Variants in SYBU observed in about 807,000 individuals in gnomAD.
The protein encoded by SYBU is syntabulin, also known as GOLSYN A protein.
Under a neutral mutation model 35.9 loss-of-function variants are expected in SYBU, and 21 were observed. That is an observed-to-expected ratio of 0.58 (90% CI 0.41 to 0.84). The LOEUF is 0.84. SYBU is among the 40% of genes least tolerant of loss of function. SYBU has a pLI of 0.00. For missense variants in SYBU, 768 were observed against 848.2 expected (o/e 0.91, Z 1.17); for synonymous variants, 319 against 324.3 (o/e 0.98, Z 0.18).
At chr8:109,645,633 G>GTTTTTTTTTTTT (rs77642059), upstream of SYBU, 22 of 230,818 alleles carry the variant, frequency 9.5e-5, no homozygotes, top group African/African-American at 4.0e-4. Flanking sequence ...TTCGTTTTTT[G>GTTTTTTTTTTTT]TTTTTTTTTT....
chr8:109,632,260 C>T (rs1247690080), intron 2 of SYBU, among the ~76,000 whole-genome samples: 3 of 152,160 alleles, frequency 2.0e-5, no homozygotes, highest in Admixed American at 6.5e-5. Context: ...AGGCTGGTCT[C>T]GAACTCCTGA....
Position 109,574,765 on chromosome 8 carries a change from G to T in SYBU, c.*141C>A. On this transcript the variant is annotated 3_prime_UTR_variant, in exon 7 of 7. Transcript: ENST00000276646. ...ACCTCCGGTTTTAAACAGTGAACAG[G>T]CTTCAACTAAATATAGTGCAAATCA... The T allele has an allele frequency of 1.1e-6, 1 of 912,722 alleles. No homozygotes were observed. 56.5% of individuals were successfully genotyped at this position (912,722 alleles called of 1,614,324 possible). A position where few individuals can be genotyped will look rare whatever the true frequency, so the allele number is the denominator to read the frequency against.
At chr8:109,689,461 T>C (rs1817594559) in intron 1 of SYBU, among the ~76,000 whole-genome samples, 1 of 152,200 alleles carries the variant, frequency 6.6e-6, no homozygotes. Context: ...TAGCTGGAAC[T>C]ACAGGCACCT....
At position 109,575,315 on chromosome 8, in the gene SYBU, G is replaced by C; in HGVS notation, c.1583C>G (p.Ser528Trp). 1 of 1,614,174 alleles carries C rather than the reference G, an allele frequency of 6.2e-7. No homozygotes were observed. The highest frequency in any genetic ancestry group is 1.1e-5 in the South Asian group (1 of 91,084). The change falls in exon 7 of 7, where the codon TCG becomes TGG. Residue 528 changes from serine (S) to tryptophan (W), a missense_variant. Coordinates refer to ENST00000276646, the MANE Select transcript of SYBU (RefSeq NM_001099754.2). The stretch of plus-strand genomic sequence containing the variant: ...GAGGGACTCTGGGAAGCTCTCCATC[G>C]AGTCTGGTTCAGACTCATCAGGGGA... ...LASPDESEPD[S>W]MESFPESLSA...
intron 1 of SYBU, among the ~76,000 whole-genome samples, chr8:109,679,102 G>A (rs1586997500): frequency 6.6e-6 from 1 of 152,078 alleles, no homozygotes; most frequent in Admixed American, 6.5e-5. Flanking sequence ...CATCCTTACT[G>A]CTCATTATAT....
intron 1 of SYBU, among the ~76,000 whole-genome samples, chr8:109,688,883 T>C (rs1470116690): frequency 6.6e-6 from 1 of 152,064 alleles, no homozygotes; most frequent in Non-Finnish European, 1.5e-5. Context: ...TAAACAGAAA[T>C]TGACTAAAAT....
intron 1 of SYBU, chr8:109,644,207 A>G (rs1316710435): frequency 2.1e-6 from 1 of 468,216 alleles, no homozygotes; most frequent in South Asian, 1.5e-5. Context: ...CGCCCTGCAC[A>G]TCTGCCGCCC....
At chr8:109,630,958 A>C (rs1053078989) in intron 2 of SYBU, among the ~76,000 whole-genome samples, 2 of 152,218 alleles carry the variant, frequency 1.3e-5, no homozygotes, top group East Asian at 3.9e-4. Flanking sequence ...GGTTCACAGA[A>C]GCCACGGAGG....
chr8:109,684,908 A>G (rs1817485157), upstream of SYBU, among the ~76,000 whole-genome samples: 1 of 152,176 alleles, frequency 6.6e-6, no homozygotes, highest in Admixed American at 6.5e-5. Context: ...TCTACTGTTA[A>G]TTAGAAAAGC....
In SYBU at chr8:109,691,473, G is replaced by T; in HGVS notation, c.-198C>A. On this transcript the variant is annotated 5_prime_UTR_variant, in exon 1 of 8. Transcript: ENST00000422135. This position sits in a 1 kb window ranked among gnomAD's most constrained non-coding sequence, Gnocchi z 4.7. ...GCTGGTTTGCGCTCAGGCCCGGGGA[G>T]CCGGGCCCGGCCCGCTCCGCCCGCC... 1.8e-6 allele frequency: 1 copy of T among 543,958 alleles called. No individual in the cohort carries two copies. The highest frequency in any genetic ancestry group is 3.4e-5 in the East Asian group (1 of 29,294). The allele number at this position is 543,958 out of a possible 1,614,324, so 33.7% of individuals were successfully genotyped here.
At chr8:109,660,772 G>A (rs568310837) in intron 1 of SYBU, among the ~76,000 whole-genome samples, 1 of 152,124 alleles carries the variant, frequency 6.6e-6, no homozygotes, top group Admixed American at 6.5e-5. Flanking sequence ...TATTTATTGG[G>A]TATTTATTCT....
intron 1 of SYBU, among the ~76,000 whole-genome samples, chr8:109,669,876 G>A (rs78569083): frequency 2.0e-5 from 3 of 152,136 alleles, no homozygotes; most frequent in Non-Finnish European, 4.4e-5. Context: ...GTGAGCAATC[G>A]AGGCACTTTA....
At chr8:109,674,729 A>G (rs1345407161) in intron 1 of SYBU, among the ~76,000 whole-genome samples, 1 of 152,228 alleles carries the variant, frequency 6.6e-6, no homozygotes, top group Non-Finnish European at 1.5e-5. Flanking sequence ...TATTATAGAG[A>G]TCAACAAGAC....
intron 3 of SYBU, among the ~76,000 whole-genome samples, chr8:109,587,060 A>G (rs1823702364): frequency 6.6e-6 from 1 of 152,152 alleles, no homozygotes. Flanking sequence ...AAGAAAAAGA[A>G]TTTTTTAAAA....
At position 109,575,006 on chromosome 8, in the gene SYBU, CCTCT is replaced by C; in HGVS notation, c.1888_1891del (p.Arg630GlyfsTer35). 6.3e-7 allele frequency: 1 copy of C among 1,589,250 alleles called. No individual in the cohort carries two copies. The highest frequency in any genetic ancestry group is 1.1e-5 in the South Asian group (1 of 87,960). On this transcript the variant is annotated frameshift_variant, in exon 7 of 7. Coordinates refer to ENST00000276646, the MANE Select transcript of SYBU (RefSeq NM_001099754.2). LOFTEE classifies it high-confidence loss of function. ...GATGTTATACACAGGATCCGTTCCC[CCTCT>C]CTGAGTACTGAATGCCCACAGAACC... is the stretch of plus-strand genomic sequence containing the variant.
At chr8:109,608,437 C>A (rs963328176) in intron 3 of SYBU, among the ~76,000 whole-genome samples, 2 of 152,136 alleles carry the variant, frequency 1.3e-5, no homozygotes, top group African/African-American at 4.8e-5. Flanking sequence ...GAGAAAAATT[C>A]TTGGTGTACT....
At chr8:109,657,179 A>G (rs28581208) in intron 1 of SYBU, among the ~76,000 whole-genome samples, 11,888 of 152,262 alleles carry the variant, frequency 0.078, 590 homozygotes, top group East Asian at 0.12. Context: ...AAAACTAAGT[A>G]GACGTATAAA....
upstream of SYBU, among the ~76,000 whole-genome samples, chr8:109,685,340 C>T (rs1415623803): frequency 6.6e-6 from 1 of 152,146 alleles, no homozygotes; most frequent in Non-Finnish European, 1.5e-5. Context: ...ACAATGCATA[C>T]CTCTTCTTAA....
chr8:109,686,646 A>G (rs1817526135), intron 1 of SYBU, among the ~76,000 whole-genome samples: 1 of 152,222 alleles, frequency 6.6e-6, no homozygotes, highest in African/African-American at 2.4e-5. Flanking sequence ...TTATACTACC[A>G]AAGACATCAG....
Sources: gnomAD v4.1 joint callset for allele counts (sites outside exome capture counted in the v4.1 genomes callset) on GRCh38, gnomAD v4.1.1 for gene constraint, Gnocchi (gnomAD v3.1) non-coding constraint, MANE v1.5 for transcripts, NCBI Gene and HGNC (gene_info 2026-07-23, HGNC 2026-07-21) for gene names.